Variants in ACSF3 observed in about 807,000 individuals in gnomAD.
ACSF3 encodes the protein acyl-CoA synthetase family member 3, also known as malonate--CoA ligase ACSF3, mitochondrial.
Under a neutral mutation model 53.2 loss-of-function variants are expected in ACSF3, and 78 were observed. The ratio of observed to expected loss-of-function variants is 1.47; its 90% CI spans 1.22 to 1.77. The LOEUF (loss-of-function observed/expected upper bound fraction) is 1.77. ACSF3 is among the 40% of genes most tolerant of loss of function. The pLI is 0.00. For synonymous variants in ACSF3, 414 were observed against 333.1 expected, an observed-to-expected ratio of 1.24 and a Z score of -2.65; for missense variants, 937 against 771.1, an observed-to-expected ratio of 1.22 and a Z score of -2.55.
chr16:89,152,754 C>G (rs562289357), intron 10 of ACSF3: 1 of 152,212 alleles, frequency 6.6e-6, no homozygotes, highest in South Asian at 2.1e-4. Flanking sequence ...AACATTGGAA[C>G]CAGGTAAGGT....
At chr16:89,111,374 C>T (rs554403913) in intron 4 of ACSF3, among the ~76,000 whole-genome samples, 183 of 152,382 alleles carry the variant, frequency 1.2e-3, no homozygotes, top group African/African-American at 4.2e-3. Flanking sequence ...ACTGTGGCAT[C>T]GGCATCCGTC....
chr16:89,102,470 C>T (rs1975460617), intron 3 of ACSF3, 134 bp from the exon 4 acceptor site: 1 of 1,057,844 alleles, frequency 9.5e-7, no homozygotes, highest in African/African-American at 1.6e-5. Context: ...AGGGGAGCAA[C>T]AAAGAGCCAG....
Position 89,154,907 on chromosome 16 carries a change from G to A in ACSF3, c.*700G>A, listed in dbSNP as rs1567759364. 1 of 454,058 alleles carries A rather than the reference G, an allele frequency of 2.2e-6. No homozygotes were observed. The highest frequency in any genetic ancestry group is 4.4e-6 in the Non-Finnish European group (1 of 226,784). The allele number at this position is 454,058 out of a possible 1,614,324, so 28.1% of individuals were successfully genotyped here. A position where few individuals can be genotyped will look rare whatever the true frequency, so the allele number is the denominator to read the frequency against. ...ACCCTGCCTCACCCCCCAGCGCAGG[G>A]ACTTTCCAGGTCATCTCCACACCAG... is the stretch of plus-strand genomic sequence containing the variant. On this transcript the variant is annotated 3_prime_UTR_variant, in exon 11 of 11. Transcript: ENST00000614302.
intron 1 of ACSF3, among the ~76,000 whole-genome samples, chr16:89,094,718 C>T (rs1043009272): frequency 1.3e-5 from 2 of 152,096 alleles, no homozygotes; most frequent in Admixed American, 6.5e-5. Context: ...CATGGTGAGA[C>T]CCCTATCTCT....
chr16:89,141,284 G>A (rs975354638), intron 8 of ACSF3: 36 of 1,287,110 alleles, frequency 2.8e-5, no homozygotes, highest in African/African-American at 4.6e-5. Flanking sequence ...CGGGTGAGGC[G>A]GGCGCTGAGT....
rs189559416 is a variant in ACSF3, at chr16:89,104,898, T to C, written c.822+2139T>C. On this transcript the variant is annotated intron_variant, in intron 4 of 10. Transcript: ENST00000614302. ...GCCTGTTTCTTCACAGATGATAACA[T>C]TGGGCTTTAGAGAAAGACCTCTTTA... 5.9e-5 allele frequency among the ~76,000 whole-genome samples: 9 copies of C among 152,384 alleles called. No individual in the cohort carries two copies. In the South Asian group the frequency reaches 6.2e-4, roughly 11 times the overall value.
At chr16:89,142,629 C>T (rs1337429850) in intron 8 of ACSF3, among the ~76,000 whole-genome samples, 1 of 145,030 alleles carries the variant, frequency 6.9e-6, no homozygotes. Context: ...CTGCAGACAC[C>T]TACACCTGCA....
Position 89,100,739 on chromosome 16 carries a change from C to A in ACSF3, c.58C>A (p.Arg20=). Residue 20 remains arginine (R), a synonymous_variant, in exon 3 of 11, where the codon CGG becomes AGG. Transcript: ENST00000614302. The part of the protein sequence containing the change: ...RRLGCALASC[R]LAPARHRGSG... ...CCTGGGCTGCGCCTTGGCGTCCTGC[C>A]GGCTGGCGCCTGCGAGACACAGAGG... 6.2e-7 allele frequency: 1 copy of A among 1,605,438 alleles called. No individual in the cohort carries two copies. The highest frequency in any genetic ancestry group is 2.2e-5 in the East Asian group (1 of 44,880).
intron 8 of ACSF3, 190 bp from the exon 9 acceptor site, chr16:89,145,077 C>T (rs1051247071): frequency 6.7e-7 from 1 of 1,502,210 alleles, no homozygotes; most frequent in Admixed American, 1.9e-5. Flanking sequence ...CACGTCGTGA[C>T]CACCAGGAAT....
Position 89,142,443 on chromosome 16 carries a change from G to A in ACSF3, c.1367-2824G>A, listed in dbSNP as rs112205111. ...TGGGAGATCTCAGCACCAGGGCTTC[G>A]ACCTCTGGGGATACACACCCACACC... On this transcript the variant is annotated intron_variant, in intron 8 of 10. Transcript: ENST00000614302. Among the ~76,000 whole-genome samples the A allele has an allele frequency of 6.0e-3, 910 of 152,234 alleles. 7 individuals are homozygous for A. Among genetic ancestry groups the A allele is most frequent in the African/African-American group, 0.021 (859 of 41,528 alleles).
intron 6 of ACSF3, among the ~76,000 whole-genome samples, chr16:89,118,307 C>T (rs1196199211): frequency 1.5e-4 from 22 of 149,732 alleles, no homozygotes; most frequent in Non-Finnish European, 3.0e-5. Context: ...TTTAAATCAC[C>T]AGCAGTGTGA....
At chr16:89,094,208 G>A (rs1051370971) in intron 1 of ACSF3, among the ~76,000 whole-genome samples, 7 of 152,194 alleles carry the variant, frequency 4.6e-5, no homozygotes, top group Admixed American at 2.6e-4. Context: ...GCCCCCGCGC[G>A]GGGTGCGGGG....
Position 89,096,731 on chromosome 16 carries a change from C to T in ACSF3, c.-193-1860C>T, listed in dbSNP as rs376376298. On this transcript the variant is annotated intron_variant, in intron 1 of 10. Coordinates refer to ENST00000614302, the MANE Select transcript of ACSF3 (RefSeq NM_001243279.3). ...CACAGCTGTAGGTGCCAGGACTCCCCCCTTCCCTCGGCCGACTCTGGCTAG... is the reference window on the plus strand; with the variant it reads ...CACAGCTGTAGGTGCCAGGACTCCCTCCTTCCCTCGGCCGACTCTGGCTAG... 5.3e-5 allele frequency among the ~76,000 whole-genome samples: 8 copies of T among 152,194 alleles called. No individual in the cohort carries two copies. In the East Asian group the frequency reaches 1.2e-3, roughly 22 times the overall value.
intron 10 of ACSF3, chr16:89,149,216 G>C (rs1022317681): frequency 3.3e-5 from 5 of 152,166 alleles, no homozygotes; most frequent in African/African-American, 1.2e-4. Flanking sequence ...TCTTTAGGAA[G>C]TTCCAAACTT....
At chr16:89,134,241 G>T (rs1427060497) in intron 8 of ACSF3, among the ~76,000 whole-genome samples, 6 of 151,970 alleles carry the variant, frequency 3.9e-5, no homozygotes, top group African/African-American at 1.5e-4. Context: ...TGGCCTTATG[G>T]ATTCCAAGGA....
chr16:89,141,305 T>A, intron 8 of ACSF3: 1 of 1,286,570 alleles, frequency 7.8e-7, no homozygotes. Context: ...AGTCTGGGAA[T>A]GGGCAGGGAG....
intron 8 of ACSF3, among the ~76,000 whole-genome samples, chr16:89,139,067 G>T (rs1237903640): frequency 1.3e-5 from 2 of 152,226 alleles, no homozygotes; most frequent in Non-Finnish European, 2.9e-5. Context: ...CGCAGAGGAG[G>T]CCCCTCCTCA....
intron 4 of ACSF3, among the ~76,000 whole-genome samples, chr16:89,111,068 C>A (rs564027302): frequency 6.6e-6 from 1 of 152,180 alleles, no homozygotes; most frequent in Non-Finnish European, 1.5e-5. Context: ...TGCAATTCTC[C>A]ATCTTCCCCA....
At chr16:89,150,700 C>T (rs1429973296) in intron 10 of ACSF3, 2 of 315,326 alleles carry the variant, frequency 6.3e-6, no homozygotes, top group African/African-American at 4.3e-5. Flanking sequence ...CAGGGAAGGC[C>T]ACCAGCCATG....
Sources: allele counts gnomAD v4.1 joint callset (sites outside exome capture counted in the v4.1 genomes callset), GRCh38; gene constraint gnomAD v4.1.1; transcripts MANE v1.5; gene names NCBI Gene and HGNC (gene_info 2026-07-23, HGNC 2026-07-21).